Variants in ZNF385B observed in about 807,000 individuals in gnomAD.
ZNF385B encodes the protein zinc finger protein 533.
A neutral mutation model predicts 39.2 loss-of-function variants in ZNF385B; 23 were observed. That is an observed-to-expected ratio of 0.59 (90% CI 0.42 to 0.83). The LOEUF is 0.83. Ranked by LOEUF, ZNF385B falls within the 40% of genes least tolerant of loss-of-function variation. The pLI is 0.00. For missense variants in ZNF385B, 552 were observed against 598.9 expected (o/e 0.92, Z 0.82); for synonymous variants, 205 against 222.6 (o/e 0.92, Z 0.70).
chr2:179,804,397 A>C (rs1706221810), intron 1 of ZNF385B, among the ~76,000 whole-genome samples: 1 of 152,220 alleles, frequency 6.6e-6, no homozygotes, highest in Non-Finnish European at 1.5e-5. Flanking sequence ...TTTCTTACTC[A>C]GAGCCTGATT....
chr2:179,469,885 G>A (rs75796412), intron 6 of ZNF385B, among the ~76,000 whole-genome samples: 2,265 of 152,174 alleles, frequency 0.015, 44 homozygotes, highest in Middle Eastern at 0.041. Context: ...TGTGCCCTTC[G>A]CTGTCAGCTG....
intron 3 of ZNF385B, among the ~76,000 whole-genome samples, chr2:179,583,075 C>A (rs1056538751): frequency 1.3e-5 from 2 of 152,144 alleles, no homozygotes; most frequent in Non-Finnish European, 2.9e-5. Context: ...GTCTCAAACT[C>A]CTGACCTCAG....
chr2:179,773,145 G>T (rs531526529), intron 1 of ZNF385B, among the ~76,000 whole-genome samples: 11 of 152,100 alleles, frequency 7.2e-5, no homozygotes, highest in Admixed American at 5.9e-4. Context: ...TCCCTGACCT[G>T]CATTGTTATC....
intron 8 of ZNF385B, 115 bp from the exon 9 acceptor site, chr2:179,445,092 G>A: frequency 1.2e-6 from 1 of 857,862 alleles, no homozygotes; most frequent in East Asian, 2.5e-5. Flanking sequence ...TTCCACGATG[G>A]TGTGGGTAAA....
At chr2:179,792,668 C>A (rs1032659219) in intron 1 of ZNF385B, among the ~76,000 whole-genome samples, 1 of 152,054 alleles carries the variant, frequency 6.6e-6, no homozygotes, top group Non-Finnish European at 1.5e-5. Context: ...AGCCACCACG[C>A]CCGGCCCATT....
intron 3 of ZNF385B, among the ~76,000 whole-genome samples, chr2:179,586,851 A>G (rs1431218321): frequency 6.6e-6 from 1 of 152,130 alleles, no homozygotes; most frequent in Non-Finnish European, 1.5e-5. Context: ...AGCCTGATCA[A>G]CATGGTGAAA....
chr2:179,554,543 G>T (rs1022852030), intron 3 of ZNF385B, among the ~76,000 whole-genome samples: 3 of 149,190 alleles, frequency 2.0e-5, no homozygotes, highest in African/African-American at 7.6e-5. Context: ...GAGTATCTTT[G>T]TGACCTTGGA....
At chr2:179,779,870 C>T (rs12466207) in intron 1 of ZNF385B, among the ~76,000 whole-genome samples, 16,721 of 151,942 alleles carry the variant, frequency 0.11, 1,578 homozygotes, top group East Asian at 0.49. Flanking sequence ...CACAATGTAC[C>T]CATATATTAA....
intron 3 of ZNF385B, among the ~76,000 whole-genome samples, chr2:179,654,849 A>AT (rs1693572881): frequency 6.6e-6 from 1 of 152,182 alleles, no homozygotes; most frequent in South Asian, 2.1e-4. Context: ...AACTTGCAGG[A>AT]TGTCATTTAG....
chr2:179,577,797 T>C (rs1322582169), intron 3 of ZNF385B, among the ~76,000 whole-genome samples: 3 of 6,992 alleles, frequency 4.3e-4, no homozygotes, highest in Non-Finnish European at 1.5e-3. Context: ...TTGTGCTGTC[T>C]TTACTAAAAA....
intron 3 of ZNF385B, among the ~76,000 whole-genome samples, chr2:179,670,141 A>T (rs189018053): frequency 0.062 from 9,490 of 151,914 alleles, 336 homozygotes; most frequent in Middle Eastern, 0.082. Flanking sequence ...AATACAAAAA[A>T]ATTAGCCGGG....
intron 3 of ZNF385B, among the ~76,000 whole-genome samples, chr2:179,577,046 T>C (rs1018122060): frequency 6.6e-6 from 1 of 152,142 alleles, no homozygotes; most frequent in Non-Finnish European, 1.5e-5. Context: ...AGGAGAAAAC[T>C]GGATATAAAA....
chr2:179,618,728 A>G (rs1005253969), intron 3 of ZNF385B, among the ~76,000 whole-genome samples: 9 of 152,162 alleles, frequency 5.9e-5, no homozygotes, highest in South Asian at 2.1e-4. Context: ...TAGGAGAACA[A>G]GAGGAATCAG....
chr2:179,679,871 A>G (rs1260826434), intron 3 of ZNF385B, among the ~76,000 whole-genome samples: 1 of 152,158 alleles, frequency 6.6e-6, no homozygotes, highest in Non-Finnish European at 1.5e-5. Context: ...CCATCAGTCT[A>G]AACCTGATCC....
intron 1 of ZNF385B, among the ~76,000 whole-genome samples, chr2:179,846,077 G>A (rs1173228772): frequency 6.6e-6 from 1 of 152,174 alleles, no homozygotes; most frequent in African/African-American, 2.4e-5. Context: ...TCGCCTTGGA[G>A]GAGCTGATGA....
intron 1 of ZNF385B, among the ~76,000 whole-genome samples, chr2:179,776,680 C>T (rs994799195): frequency 2.0e-5 from 3 of 152,020 alleles, no homozygotes; most frequent in Non-Finnish European, 4.4e-5. Flanking sequence ...GAGGGATGCT[C>T]GTGACCAACA....
intron 3 of ZNF385B, chr2:179,745,771 C>G: frequency 2.0e-6 from 3 of 1,533,122 alleles, no homozygotes; most frequent in Non-Finnish European, 2.6e-6. Context: ...CAAGAGCAAC[C>G]AAGTTGGATA....
At chr2:179,626,375 C>T (rs1690665202) in intron 3 of ZNF385B, among the ~76,000 whole-genome samples, 1 of 152,090 alleles carries the variant, frequency 6.6e-6, no homozygotes. Flanking sequence ...CAGCACACTG[C>T]CTCAGATGGA....
chr2:179,616,048 G>T (rs1245818127), intron 3 of ZNF385B, among the ~76,000 whole-genome samples: 2 of 152,152 alleles, frequency 1.3e-5, no homozygotes, highest in Non-Finnish European at 2.9e-5. Flanking sequence ...ATAAATTGAG[G>T]AGTTTATATG....
Sources: gnomAD v4.1 joint callset for allele counts (sites outside exome capture counted in the v4.1 genomes callset) on GRCh38, gnomAD v4.1.1 for gene constraint, MANE v1.5 for transcripts, NCBI Gene and HGNC (gene_info 2026-07-23, HGNC 2026-07-21) for gene names.